The following ADAM18 variants were observed in gnomAD, a reference collection of about 807,000 sequenced individuals.
The protein encoded by ADAM18 is ADAM metallopeptidase domain 18, also known as disintegrin and metalloproteinase domain-containing protein 18.
Under a neutral mutation model 94.4 loss-of-function variants are expected in ADAM18, and 117 were observed. That is an observed-to-expected ratio of 1.24 (90% CI 1.07 to 1.45). ADAM18 has a LOEUF of 1.45. Ranked by LOEUF, ADAM18 falls within the 40% of genes most tolerant of loss-of-function variation. The pLI, the probability that ADAM18 is intolerant of heterozygous loss-of-function variation, is 0.00. For synonymous variants in ADAM18, 327 were observed against 291.6 expected (o/e 1.12, Z -1.24); for missense variants, 936 against 880.0 (o/e 1.06, Z -0.81).
chr8:39,691,216 C>A (rs1821767610), intron 16 of ADAM18, among the ~76,000 whole-genome samples: 2 of 151,914 alleles, frequency 1.3e-5, no homozygotes, highest in African/African-American at 2.4e-5. Flanking sequence ...AAAATATGTA[C>A]CATTTGTGTA....
At chr8:39,701,225 CTAAAAATATATAT>C (rs1822068862) in intron 17 of ADAM18, among the ~76,000 whole-genome samples, 1 of 111,686 alleles carries the variant, frequency 9.0e-6, no homozygotes, top group South Asian at 3.0e-4. Flanking sequence ...TAATTTTTTT[CTAAAAATATATAT>C]ATTTCTGATA....
At chr8:39,627,843 G>A (rs1006187675) in intron 6 of ADAM18, among the ~76,000 whole-genome samples, 7 of 151,646 alleles carry the variant, frequency 4.6e-5, no homozygotes, top group African/African-American at 1.7e-4. Context: ...GTCCTATTCT[G>A]GTGTATATTG....
intron 6 of ADAM18, among the ~76,000 whole-genome samples, chr8:39,619,006 A>G (rs967988036): frequency 2.0e-5 from 3 of 152,178 alleles, no homozygotes; most frequent in African/African-American, 7.2e-5. Flanking sequence ...GGGTCTCCCT[A>G]CAAATTAGGA....
chr8:39,637,019 T>A lies in ADAM18; in HGVS notation c.589-245T>A, dbSNP rs13270621. Among the ~76,000 whole-genome samples, 499 of 54,768 alleles carry A rather than the reference T, an allele frequency of 9.1e-3. 8 individuals are homozygous for A. The highest frequency in any genetic ancestry group is 0.054 in the Middle Eastern group (6 of 112). 35.9% of individuals were successfully genotyped at this position (54,768 alleles called of 152,430 possible). ...AATAATATTTCCGCATGTGTGTATT[T>A]TATATATATATATATATATATATAT... On this transcript the variant is annotated intron_variant, in intron 7 of 19. Transcript: ENST00000265707.
At chr8:39,661,298 G>A (rs9886487) in intron 12 of ADAM18, among the ~76,000 whole-genome samples, 3,462 of 142,766 alleles carry the variant, frequency 0.024, 151 homozygotes, top group African/African-American at 0.085. Flanking sequence ...GACTACAGGC[G>A]CCCACCACCA....
chr8:39,664,271 A>T (rs1373685548), intron 13 of ADAM18, among the ~76,000 whole-genome samples: 1 of 152,146 alleles, frequency 6.6e-6, no homozygotes, highest in Non-Finnish European at 1.5e-5. Flanking sequence ...TTTTGTCTTT[A>T]TTCCCTAAAC....
intron 17 of ADAM18, among the ~76,000 whole-genome samples, chr8:39,696,288 CCTTATCA>C (rs779700053): frequency 0.32 from 47,723 of 150,496 alleles, 8,369 homozygotes; most frequent in East Asian, 0.75. Context: ...GATATTAATT[CCTTATCA>C]TATATGTGAT....
intron 7 of ADAM18, among the ~76,000 whole-genome samples, chr8:39,630,847 T>C (rs967014003): frequency 6.6e-6 from 1 of 152,012 alleles, no homozygotes; most frequent in East Asian, 1.9e-4. Context: ...TCTATCAGCA[T>C]TGTATGAAAG....
At position 39,622,105 on chromosome 8, in the gene ADAM18, A is replaced by G. The variant is rs561087026; in HGVS notation, c.523-7269A>G. Among the ~76,000 whole-genome samples, 93 of 152,230 alleles carry G rather than the reference A, an allele frequency of 6.1e-4. 1 individual carries two copies. In the South Asian group the frequency reaches 0.018, roughly 30 times the overall value. The stretch of plus-strand genomic sequence containing the variant: ...TAAAATAAAAGTAGGAGATTTTTAA[A>G]AAGTGTATATATACATATATATTTA... On this transcript the variant is annotated intron_variant, in intron 6 of 19. Coordinates refer to ENST00000265707, the MANE Select transcript of ADAM18 (RefSeq NM_014237.3).
intron 10 of ADAM18, among the ~76,000 whole-genome samples, chr8:39,642,390 G>T (rs138992983): frequency 0.086 from 12,991 of 151,922 alleles, 713 homozygotes; most frequent in Non-Finnish European, 0.12. Context: ...TTATAGTTTT[G>T]AGTTTTACAT....
At chr8:39,621,752 A>G (rs1450110262) in intron 6 of ADAM18, among the ~76,000 whole-genome samples, 1 of 152,190 alleles carries the variant, frequency 6.6e-6, no homozygotes, top group East Asian at 1.9e-4. Flanking sequence ...AGCCATACAA[A>G]AGAATGAGAT....
At chr8:39,611,330 G>T (rs10088799) in intron 6 of ADAM18, 401,807 of 610,570 alleles carry the variant, frequency 0.66, 135,830 homozygotes, top group Non-Finnish European at 0.7. Flanking sequence ...TCTATGAATG[G>T]ATCTCTTTGT....
intron 18 of ADAM18, among the ~76,000 whole-genome samples, chr8:39,711,434 G>A (rs1031548720): frequency 3.3e-5 from 5 of 152,046 alleles, no homozygotes; most frequent in African/African-American, 1.2e-4. Context: ...CCCTGAGGAA[G>A]CTCAAAAATC....
chr8:39,701,477 A>G (rs907036260), intron 17 of ADAM18, among the ~76,000 whole-genome samples: 1 of 151,876 alleles, frequency 6.6e-6, no homozygotes, highest in African/African-American at 2.4e-5. Flanking sequence ...TTATGAATTA[A>G]TTTTTGGCTT....
chr8:39,721,516 A>T (rs1822747109), intron 18 of ADAM18, among the ~76,000 whole-genome samples: 2 of 151,428 alleles, frequency 1.3e-5, no homozygotes, highest in South Asian at 2.1e-4. Flanking sequence ...ACTATATATC[A>T]ACAAAGTACT....
At chr8:39,615,646 C>T (rs989116819) in intron 6 of ADAM18, among the ~76,000 whole-genome samples, 68 of 152,220 alleles carry the variant, frequency 4.5e-4, no homozygotes, top group African/African-American at 1.5e-3. Flanking sequence ...TCTTAAGAAC[C>T]AGAACAAGAC....
In ADAM18 at chr8:39,680,115, T is replaced by C. The variant is rs762959581; in HGVS notation, c.1710T>C (p.Tyr570=). 4.3e-6 allele frequency: 7 copies of C among 1,613,932 alleles called. No individual in the cohort carries two copies. In the East Asian group the frequency reaches 8.9e-5, roughly 21 times the overall value. ...AAAGTGACGCTCAATCTACAGTTTA[T>C]TCATATATTCAAGACCATGTATGTG... The part of the protein sequence containing the change: ...ANKSDAQSTV[Y]SYIQDHVCVS... Residue 570 remains tyrosine (Y), a synonymous_variant, in exon 16 of 20, where the codon TAT becomes TAC. Coordinates refer to ENST00000265707, the MANE Select transcript of ADAM18 (RefSeq NM_014237.3).
chr8:39,658,963 T>A lies in ADAM18; in HGVS notation c.1231-4832T>A, dbSNP rs184476504. On this transcript the variant is annotated intron_variant, in intron 12 of 19. Coordinates refer to ENST00000265707, the MANE Select transcript of ADAM18 (RefSeq NM_014237.3). ...CTAATCAACATTTTAAAATAATATA[T>A]TTTTCAAAATTGAGAACAAGATGAA... is the stretch of plus-strand genomic sequence containing the variant. 1.9e-3 allele frequency among the ~76,000 whole-genome samples: 283 copies of A among 152,232 alleles called. 4 individuals carry two copies. Among genetic ancestry groups the A allele is most frequent in the African/African-American group, 6.6e-3 (275 of 41,542 alleles).
chr8:39,700,981 A>T (rs1365167738), intron 17 of ADAM18, among the ~76,000 whole-genome samples: 1 of 149,664 alleles, frequency 6.7e-6, no homozygotes, highest in Non-Finnish European at 1.5e-5. Flanking sequence ...AGCCGGGCGT[A>T]GTGGCGGGCG....
Sources: allele counts gnomAD v4.1 joint callset (sites outside exome capture counted in the v4.1 genomes callset), GRCh38; gene constraint gnomAD v4.1.1; transcripts MANE v1.5; gene names NCBI Gene and HGNC (gene_info 2026-07-23, HGNC 2026-07-21).